The following ZNF516 variants were observed in gnomAD, a reference collection of about 807,000 sequenced individuals.
ZNF516 encodes the protein zinc finger protein 516.
Under a neutral mutation model 79.7 loss-of-function variants are expected in ZNF516, and 19 were observed. The observed-to-expected ratio is 0.24, with a 90% CI of 0.17 to 0.35. ZNF516 has a LOEUF of 0.35. ZNF516 is among the 10% of genes least tolerant of loss of function. The pLI, the probability that ZNF516 is intolerant of heterozygous loss-of-function variation, is 1.00. For missense variants in ZNF516, 1,678 were observed against 1,679.5 expected (o/e 1.00, Z 0.02); for synonymous variants, 877 against 739.5 (o/e 1.19, Z -3.02).
At chr18:76,465,255 C>A (rs1913389392) in intron 1 of ZNF516, among the ~76,000 whole-genome samples, 1 of 152,214 alleles carries the variant, frequency 6.6e-6, no homozygotes, top group East Asian at 1.9e-4. Context: ...TTATGCACAT[C>A]CAGAGATGCT....
chr18:76,424,903 C>A (rs1392300992), intron 3 of ZNF516, among the ~76,000 whole-genome samples: 1 of 148,118 alleles, frequency 6.8e-6, no homozygotes, highest in Middle Eastern at 3.6e-3. Flanking sequence ...AAAGGTTCCC[C>A]CATGAAACAC....
chr18:76,403,756 C>T (rs2145236082), intron 3 of ZNF516, among the ~76,000 whole-genome samples: 1 of 152,326 alleles, frequency 6.6e-6, no homozygotes, highest in East Asian at 1.9e-4. Flanking sequence ...GAGCGAAACA[C>T]ATTACAAGGG....
chr18:76,358,720 T>C lies in ZNF516; in HGVS notation c.*3778A>G, dbSNP rs1044515205. 2.0e-5 allele frequency: 3 copies of C among 152,234 alleles called. No homozygotes were observed. Among genetic ancestry groups the C allele is most frequent in the Admixed American group, 2.0e-4 (3 of 15,288 alleles). 9.4% of individuals were successfully genotyped at this position (152,234 alleles called of 1,614,324 possible). ...ATGCCGTCCTTCCTTCCTTCCTTTT[T>C]CTACAGCTTGGAAACCTCTGAGAAT... is the stretch of plus-strand genomic sequence containing the variant. On this transcript the variant is annotated 3_prime_UTR_variant, in exon 7 of 7. Transcript: ENST00000443185.
chr18:76,484,638 C>A (rs1185487243), intron 1 of ZNF516, among the ~76,000 whole-genome samples: 1 of 152,130 alleles, frequency 6.6e-6, no homozygotes, highest in African/African-American at 2.4e-5. Context: ...TTAAGGATTG[C>A]CTAAAACACA....
chr18:76,408,248 T>C (rs998418256), intron 3 of ZNF516, among the ~76,000 whole-genome samples: 3 of 152,142 alleles, frequency 2.0e-5, no homozygotes, highest in African/African-American at 4.8e-5. Context: ...CTCCCCGCTG[T>C]TATTGGAAGG....
intron 1 of ZNF516, among the ~76,000 whole-genome samples, chr18:76,469,298 T>G (rs760132668): frequency 3.1e-4 from 47 of 152,238 alleles, no homozygotes; most frequent in Non-Finnish European, 5.6e-4. Flanking sequence ...CAGTCCTATT[T>G]TTTATATTAC....
At chr18:76,490,246 C>G in intron 1 of ZNF516, 1 of 969,340 alleles carries the variant, frequency 1.0e-6, no homozygotes. Context: ...ACCCCTGACA[C>G]CACGGCAGGC....
chr18:76,412,741 T>C (rs552508572), intron 3 of ZNF516, among the ~76,000 whole-genome samples: 1 of 152,330 alleles, frequency 6.6e-6, no homozygotes, highest in African/African-American at 2.4e-5. Flanking sequence ...CCTGGACTCT[T>C]TTCCTCTCAA....
chr18:76,367,184 C>T (rs1422294337), intron 6 of ZNF516, among the ~76,000 whole-genome samples: 1 of 152,174 alleles, frequency 6.6e-6, no homozygotes, highest in African/African-American at 2.4e-5. Flanking sequence ...GACCTGGGGT[C>T]AACACCATTC....
chr18:76,409,073 G>A (rs1268280733), intron 3 of ZNF516, among the ~76,000 whole-genome samples: 1 of 152,098 alleles, frequency 6.6e-6, no homozygotes, highest in Non-Finnish European at 1.5e-5. Context: ...CAAATAACTA[G>A]ACATAATCAT....
intron 1 of ZNF516, among the ~76,000 whole-genome samples, chr18:76,480,994 T>C (rs2145782201): frequency 6.6e-6 from 1 of 152,338 alleles, no homozygotes; most frequent in Middle Eastern, 3.4e-3. Flanking sequence ...AAATACTATC[T>C]GGTCCTTTAG....
chr18:76,482,965 T>C (rs896291961), intron 1 of ZNF516, among the ~76,000 whole-genome samples: 6 of 152,164 alleles, frequency 3.9e-5, no homozygotes, highest in Non-Finnish European at 5.9e-5. Flanking sequence ...GTATATAGGT[T>C]CGGGTAAATA....
intron 1 of ZNF516, among the ~76,000 whole-genome samples, chr18:76,480,524 C>CACACACACATATATAT (rs1267997459): frequency 5.2e-5 from 6 of 116,400 alleles, no homozygotes; most frequent in Non-Finnish European, 7.2e-5. Flanking sequence ...CACACACACA[C>CACACACACATATATAT]ATATATTTTT....
chr18:76,396,771 T>C (rs1044186060), intron 3 of ZNF516, among the ~76,000 whole-genome samples: 9 of 152,140 alleles, frequency 5.9e-5, no homozygotes, highest in Non-Finnish European at 1.2e-4. Flanking sequence ...TTCTCCAAAC[T>C]GTGGAGAAGA....
intron 3 of ZNF516, among the ~76,000 whole-genome samples, chr18:76,399,855 T>C (rs1199480789): frequency 6.6e-6 from 1 of 152,146 alleles, no homozygotes; most frequent in East Asian, 1.9e-4. Context: ...CCTCACCATG[T>C]TTCTGCTTGG....
chr18:76,468,615 T>A (rs187471613), intron 1 of ZNF516, among the ~76,000 whole-genome samples: 1 of 152,162 alleles, frequency 6.6e-6, no homozygotes, highest in Admixed American at 6.5e-5. Flanking sequence ...AGACGAGGTT[T>A]CGCCATGTCA....
chr18:76,434,870 A>C (rs950068430), intron 3 of ZNF516, among the ~76,000 whole-genome samples: 1 of 152,240 alleles, frequency 6.6e-6, no homozygotes, highest in African/African-American at 2.4e-5. Context: ...AACGCAGGAC[A>C]CTGCAAATTC....
chr18:76,375,309 G>C (rs2074768742), intron 4 of ZNF516, among the ~76,000 whole-genome samples: 1 of 152,182 alleles, frequency 6.6e-6, no homozygotes, highest in South Asian at 2.1e-4. Context: ...ACCAGGTAGA[G>C]AGTGGACAGG....
chr18:76,404,271 C>T (rs115089128), intron 3 of ZNF516, among the ~76,000 whole-genome samples: 26 of 152,398 alleles, frequency 1.7e-4, no homozygotes, highest in African/African-American at 5.8e-4. Flanking sequence ...GCTCCACACA[C>T]GCCTGGGGGA....
Sources: gnomAD v4.1 joint callset for allele counts (sites outside exome capture counted in the v4.1 genomes callset) on GRCh38, gnomAD v4.1.1 for gene constraint, MANE v1.5 for transcripts, NCBI Gene and HGNC (gene_info 2026-07-23, HGNC 2026-07-21) for gene names.